The following XRCC4 variants were observed in gnomAD, a reference collection of about 807,000 sequenced individuals.
The protein encoded by XRCC4 is DNA repair protein XRCC4.
XRCC4 carries 28 observed loss-of-function variants against 39.1 expected under a neutral mutation model. That is an observed-to-expected ratio of 0.72 (90% CI 0.53 to 0.98). The LOEUF (loss-of-function observed/expected upper bound fraction) is 0.98, where lower values mean the gene tolerates loss of function less well. Ranked by LOEUF, XRCC4 falls within the 50% of genes least tolerant of loss-of-function variation. XRCC4 has a pLI of 0.00. For missense variants in XRCC4, 350 were observed against 376.4 expected (o/e 0.93, Z 0.58); for synonymous variants, 123 against 126.4 (o/e 0.97, Z 0.18).
At chr5:83,285,173 T>C (rs145079946) in intron 7 of XRCC4, among the ~76,000 whole-genome samples, 1 of 152,268 alleles carries the variant, frequency 6.6e-6, no homozygotes, top group Non-Finnish European at 1.5e-5. Flanking sequence ...GAATTGTACA[T>C]ATGTTCTAAA....
intron 7 of XRCC4, among the ~76,000 whole-genome samples, chr5:83,340,830 C>A (rs555935007): frequency 3.9e-5 from 6 of 152,298 alleles, no homozygotes; most frequent in Non-Finnish European, 8.8e-5. Flanking sequence ...TCATCCCACG[C>A]TATGGTGAAA....
chr5:83,122,134 A>G (rs1747039569), intron 3 of XRCC4, among the ~76,000 whole-genome samples: 1 of 152,148 alleles, frequency 6.6e-6, no homozygotes, highest in South Asian at 2.1e-4. Context: ...CAACTTTGTT[A>G]TTTTTGAATT....
chr5:83,366,571 C>T, the XRCC4 span, among the ~76,000 whole-genome samples: 1 of 152,162 alleles, frequency 6.6e-6, no homozygotes, highest in Non-Finnish European at 1.5e-5. Flanking sequence ...AAAGCTTTTC[C>T]ATGCCTTCTT....
chr5:83,128,916 T>G (rs1409135340), intron 3 of XRCC4, among the ~76,000 whole-genome samples: 1 of 152,148 alleles, frequency 6.6e-6, no homozygotes, highest in Non-Finnish European at 1.5e-5. Context: ...TTTCTCCCAT[T>G]CTGTAGGTTG....
At chr5:83,241,865 T>C (rs1000830085) in intron 6 of XRCC4, among the ~76,000 whole-genome samples, 1 of 152,060 alleles carries the variant, frequency 6.6e-6, no homozygotes, top group African/African-American at 2.4e-5. Flanking sequence ...AAAATATATT[T>C]ACTATTCATT....
rs1751412000 is a variant in XRCC4, at chr5:83,206,126, CT to C, written c.745+1206del. On this transcript the variant is annotated intron_variant, in intron 6 of 7. Transcript: ENST00000396027. ...CTGTTACTTTGAATTAACTTGGAAACTACTGAAGGATTTTAAACAGTCAGGT... is the reference window on the plus strand; with the variant it reads ...CTGTTACTTTGAATTAACTTGGAAACACTGAAGGATTTTAAACAGTCAGGT... Among the ~76,000 whole-genome samples the C allele has an allele frequency of 3.9e-5, 6 of 152,176 alleles. No individual in the cohort carries two copies. In the South Asian group the frequency reaches 1.0e-3, roughly 26 times the overall value.
rs148316361 is a variant in XRCC4, at chr5:83,329,912, G to T, written c.894-23219G>T. ...GGACATTAGTGGAAACTGAATGGAG[G>T]TTGAAAATTAGATGGCAGCAATGTA... is the stretch of plus-strand genomic sequence containing the variant. On this transcript the variant is annotated intron_variant, in intron 7 of 7. Transcript: ENST00000396027. 1.1e-4 allele frequency among the ~76,000 whole-genome samples: 17 copies of T among 152,200 alleles called. No individual in the cohort carries two copies. The East Asian group carries it at 2.9e-3, about 26-fold the overall frequency.
intron 7 of XRCC4, among the ~76,000 whole-genome samples, chr5:83,315,106 T>C (rs1475930617): frequency 1.3e-5 from 2 of 152,134 alleles, no homozygotes; most frequent in Non-Finnish European, 2.9e-5. Context: ...AGTGAACACA[T>C]GAATGACAAG....
chr5:83,229,659 CTT>C (rs61356475), intron 6 of XRCC4, among the ~76,000 whole-genome samples: 66 of 103,664 alleles, frequency 6.4e-4, no homozygotes, highest in African/African-American at 1.2e-3. Flanking sequence ...AATGTTTAAA[CTT>C]TTTTTTTTTT....
At chr5:83,264,731 CT>C (rs145779634) in intron 7 of XRCC4, among the ~76,000 whole-genome samples, 2 of 151,514 alleles carry the variant, frequency 1.3e-5, no homozygotes, top group African/African-American at 2.4e-5. Flanking sequence ...TAACCCACAA[CT>C]TTTTTTTTCT....
chr5:83,149,061 A>G (rs904964437), intron 3 of XRCC4, among the ~76,000 whole-genome samples: 2 of 152,200 alleles, frequency 1.3e-5, no homozygotes, highest in Non-Finnish European at 2.9e-5. Flanking sequence ...ATACTGAAAC[A>G]TAGTGCATTT....
chr5:83,166,045 C>T (rs189965283), intron 3 of XRCC4, among the ~76,000 whole-genome samples: 2 of 152,120 alleles, frequency 1.3e-5, no homozygotes, highest in African/African-American at 4.8e-5. Context: ...GCTACCACGC[C>T]TGGCTAATTT....
chr5:83,164,076 A>G (rs554098468), intron 3 of XRCC4, among the ~76,000 whole-genome samples: 1 of 152,286 alleles, frequency 6.6e-6, no homozygotes, highest in Non-Finnish European at 1.5e-5. Flanking sequence ...ACAAAAACCT[A>G]TTGGATGTTA....
chr5:83,251,891 G>T (rs1753333557), intron 6 of XRCC4, among the ~76,000 whole-genome samples: 1 of 152,186 alleles, frequency 6.6e-6, no homozygotes, highest in South Asian at 2.1e-4. Flanking sequence ...TTACACCATT[G>T]ACCTGTCTTG....
intron 5 of XRCC4, 152 bp downstream of exon 5, chr5:83,203,859 C>T: frequency 1.1e-6 from 1 of 883,748 alleles, no homozygotes; most frequent in Non-Finnish European, 1.7e-6. Flanking sequence ...ATAGGGGTAC[C>T]ATGGGCTAGA....
chr5:83,235,347 A>AC (rs1554067250), intron 6 of XRCC4, among the ~76,000 whole-genome samples: 22 of 151,186 alleles, frequency 1.5e-4, no homozygotes, highest in African/African-American at 5.1e-4. Flanking sequence ...AAAAAAAAAA[A>AC]AAAAAAGAAA....
chr5:83,284,606 T>G (rs540768597), intron 7 of XRCC4, among the ~76,000 whole-genome samples: 9 of 152,240 alleles, frequency 5.9e-5, no homozygotes, highest in African/African-American at 2.2e-4. Flanking sequence ...TACTCTAGGA[T>G]TGAGCATAGA....
intron 3 of XRCC4, among the ~76,000 whole-genome samples, chr5:83,129,758 A>C (rs190069974): frequency 6.6e-6 from 1 of 152,220 alleles, no homozygotes; most frequent in African/African-American, 2.4e-5. Flanking sequence ...GAGTTCACTC[A>C]TGATTTAGCT....
intron 7 of XRCC4, among the ~76,000 whole-genome samples, chr5:83,352,755 A>C (rs945722766): frequency 2.4e-4 from 36 of 152,320 alleles, no homozygotes; most frequent in African/African-American, 8.4e-4. Context: ...AATCAGTAGA[A>C]TTTAAGAAAG....
Sources: allele counts gnomAD v4.1 joint callset (sites outside exome capture counted in the v4.1 genomes callset), GRCh38; gene constraint gnomAD v4.1.1; transcripts MANE v1.5; gene names NCBI Gene and HGNC (gene_info 2026-07-23, HGNC 2026-07-21).